The following ZNF609 variants were observed in gnomAD, a reference collection of about 807,000 sequenced individuals.
ZNF609 encodes zinc finger protein 609.
A neutral mutation model predicts 109.5 loss-of-function variants in ZNF609; 11 were observed. The ratio of observed to expected loss-of-function variants is 0.10; its 90% CI spans 0.06 to 0.17. The LOEUF (loss-of-function observed/expected upper bound fraction) is 0.17. Ranked by LOEUF, ZNF609 falls within the 10% of genes least tolerant of loss-of-function variation. The probability of loss-of-function intolerance (pLI) is 1.00; values close to 1 mark genes in which losing one functional copy is unlikely to be tolerated. For synonymous variants in ZNF609, 646 were observed against 662.0 expected, an observed-to-expected ratio of 0.98 and a Z score of 0.37; for missense variants, 1,559 against 1,772.4, an observed-to-expected ratio of 0.88 and a Z score of 2.16.
intron 2 of ZNF609, among the ~76,000 whole-genome samples, chr15:64,600,977 G>A (rs188303483): frequency 3.9e-5 from 6 of 152,132 alleles, no homozygotes; most frequent in Non-Finnish European, 7.4e-5. Context: ...ATTTTATGAT[G>A]CAACTTATGC....
intron 2 of ZNF609, among the ~76,000 whole-genome samples, chr15:64,588,442 A>AAAAAAAAAAAAAAAAAAG (rs71133451): frequency 0.022 from 1,637 of 75,226 alleles, 606 homozygotes; most frequent in East Asian, 0.19. Flanking sequence ...AAAAAAAAAA[A>AAAAAAAAAAAAAAAAAAG]AAGAAGAGGA....
At chr15:64,550,884 C>T (rs1166093430) in intron 2 of ZNF609, among the ~76,000 whole-genome samples, 1 of 151,658 alleles carries the variant, frequency 6.6e-6, no homozygotes, top group Non-Finnish European at 1.5e-5. Flanking sequence ...TATTTTCTCC[C>T]ATTCTGTAGG....
At chr15:64,540,559 T>C (rs1206551406) in intron 2 of ZNF609, among the ~76,000 whole-genome samples, 7 of 151,666 alleles carry the variant, frequency 4.6e-5, no homozygotes, top group Non-Finnish European at 1.0e-4. Flanking sequence ...TGCGTGCCAC[T>C]GTGCCCAGCT....
chr15:64,474,586 A>G (rs1893140677), intron 1 of ZNF609, among the ~76,000 whole-genome samples: 1 of 151,818 alleles, frequency 6.6e-6, no homozygotes, highest in Non-Finnish European at 1.5e-5. Context: ...CTTTTTTTGT[A>G]TTGCATACTA....
chr15:64,465,213 T>A (rs1892997803), intron 1 of ZNF609, among the ~76,000 whole-genome samples: 1 of 152,222 alleles, frequency 6.6e-6, no homozygotes, highest in South Asian at 2.1e-4. Flanking sequence ...GCCTACTGGG[T>A]GGATACCTAA....
intron 2 of ZNF609, among the ~76,000 whole-genome samples, chr15:64,610,940 T>C (rs981685153): frequency 1.3e-5 from 2 of 152,174 alleles, no homozygotes; most frequent in Non-Finnish European, 2.9e-5. Flanking sequence ...TATTAAGATT[T>C]CAGAAAAAGG....
intron 1 of ZNF609, among the ~76,000 whole-genome samples, chr15:64,472,586 C>T (rs192652886): frequency 2.8e-4 from 43 of 152,160 alleles, no homozygotes; most frequent in East Asian, 1.9e-3. Context: ...GAATATAAGA[C>T]GGGTGCGGTG....
chr15:64,589,570 G>A (rs1895260261), intron 2 of ZNF609, among the ~76,000 whole-genome samples: 1 of 152,136 alleles, frequency 6.6e-6, no homozygotes, highest in Non-Finnish European at 1.5e-5. Context: ...AGTAGTGGAG[G>A]CTCTATTTAA....
chr15:64,546,762 C>T (rs1894369485), intron 2 of ZNF609, among the ~76,000 whole-genome samples: 1 of 150,642 alleles, frequency 6.6e-6, no homozygotes, highest in Non-Finnish European at 1.5e-5. Flanking sequence ...GCATGAGCCA[C>T]AACAACCCAG....
intron 2 of ZNF609, among the ~76,000 whole-genome samples, chr15:64,617,772 C>T (rs1290659764): frequency 6.6e-6 from 1 of 152,126 alleles, no homozygotes; most frequent in Non-Finnish European, 1.5e-5. Context: ...AAGAGTGAAA[C>T]TCCATCTCAA....
intron 2 of ZNF609, among the ~76,000 whole-genome samples, chr15:64,575,876 G>A (rs1228285068): frequency 1.3e-5 from 2 of 152,102 alleles, no homozygotes; most frequent in African/African-American, 2.4e-5. Flanking sequence ...GCCGAGGCAG[G>A]TGGATCACGG....
intron 1 of ZNF609, among the ~76,000 whole-genome samples, chr15:64,471,551 G>T (rs1893091225): frequency 6.6e-6 from 1 of 152,100 alleles, no homozygotes; most frequent in South Asian, 2.1e-4. Flanking sequence ...ATTTTAGAAT[G>T]ATTTATATTA....
Position 64,622,844 on chromosome 15 carries a change from C to T in ZNF609, c.765C>T (p.Ser255=). 1 of 1,614,232 alleles carries T rather than the reference C, an allele frequency of 6.2e-7. No homozygotes were observed. Among genetic ancestry groups the T allele is most frequent in the Non-Finnish European group, 8.5e-7 (1 of 1,180,036 alleles). Residue 255 remains serine (S), a synonymous_variant, in exon 3 of 10, where the codon TCC becomes TCT. Transcript: ENST00000326648. The stretch of plus-strand genomic sequence containing the variant: ...CTCCACAGATGGAGTCCCCTGTTTC[C>T]ACACCAGCAGTGCTGCCAATACACC... ...VKSEKMESPV[S]TPAVLPIHLL...
intron 1 of ZNF609, among the ~76,000 whole-genome samples, chr15:64,486,408 C>T (rs972121612): frequency 4.0e-5 from 6 of 151,676 alleles, no homozygotes; most frequent in African/African-American, 1.5e-4. Context: ...CCTGTAGTCC[C>T]GGCTATTCAG....
rs2083222846 is a variant in ZNF609, at chr15:64,683,411, T to C, written c.*1725T>C. The C allele has an allele frequency of 6.5e-6, 1 of 152,712 alleles. No individual in the cohort carries two copies. Among genetic ancestry groups the C allele is most frequent in the African/African-American group, 2.4e-5 (1 of 41,470 alleles). The allele number at this position is 152,712 out of a possible 1,614,324, so 9.5% of individuals were successfully genotyped here. A position where few individuals can be genotyped will look rare whatever the true frequency, so the allele number is the denominator to read the frequency against. ...ACTTGAGAGGCTTAGGGTCACCATC[T>C]GCTCAAGAGGATCCCCTCTGATCTA... On this transcript the variant is annotated 3_prime_UTR_variant, in exon 10 of 10. Transcript: ENST00000326648.
chr15:64,549,714 C>T (rs998490104), intron 2 of ZNF609, among the ~76,000 whole-genome samples: 1 of 152,088 alleles, frequency 6.6e-6, no homozygotes, highest in Non-Finnish European at 1.5e-5. Context: ...AGAAAGAAAA[C>T]ACAAATAACA....
At chr15:64,497,027 CT>C (rs777097916) in intron 1 of ZNF609, among the ~76,000 whole-genome samples, 2 of 152,166 alleles carry the variant, frequency 1.3e-5, no homozygotes, top group Non-Finnish European at 2.9e-5. Flanking sequence ...GTTGCCCAGA[CT>C]GGTCTCAAAC....
intron 4 of ZNF609, among the ~76,000 whole-genome samples, chr15:64,673,659 T>C (rs1207978506): frequency 1.3e-5 from 2 of 152,222 alleles, no homozygotes; most frequent in Non-Finnish European, 2.9e-5. Context: ...TGGCTGTATA[T>C]AGGAAATGTT....
At chr15:64,589,517 G>A (rs75982781) in intron 2 of ZNF609, among the ~76,000 whole-genome samples, 6,455 of 152,240 alleles carry the variant, frequency 0.042, 188 homozygotes, top group Middle Eastern at 0.068. Flanking sequence ...CAAGAAAATT[G>A]TGGCTTAAAG....
Sources: gnomAD v4.1 joint callset for allele counts (sites outside exome capture counted in the v4.1 genomes callset) on GRCh38, gnomAD v4.1.1 for gene constraint, MANE v1.5 for transcripts, NCBI Gene and HGNC (gene_info 2026-07-23, HGNC 2026-07-21) for gene names.